The following SGCD variants were observed in gnomAD, a reference collection of about 807,000 sequenced individuals.
The protein encoded by SGCD is sarcoglycan delta.
A neutral mutation model predicts 36.6 loss-of-function variants in SGCD; 18 were observed. The observed-to-expected ratio is 0.49, with a 90% CI of 0.34 to 0.73. SGCD has a LOEUF of 0.73. SGCD is among the 30% of genes least tolerant of loss of function. The pLI, the probability that SGCD is intolerant of heterozygous loss-of-function variation, is 0.01. For missense variants in SGCD, 387 were observed against 346.7 expected, an observed-to-expected ratio of 1.12 and a Z score of -0.92; for synonymous variants, 133 against 130.6, an observed-to-expected ratio of 1.02 and a Z score of -0.12.
intron 3 of SGCD, among the ~76,000 whole-genome samples, chr5:156,149,876 C>G (rs191706848): frequency 6.6e-6 from 1 of 152,120 alleles, no homozygotes; most frequent in Non-Finnish European, 1.5e-5. Flanking sequence ...TGTGGGCTAA[C>G]GGAAATGTAC....
At chr5:156,246,789 G>A (rs1581193199) in intron 3 of SGCD, among the ~76,000 whole-genome samples, 1 of 152,018 alleles carries the variant, frequency 6.6e-6, no homozygotes, top group East Asian at 1.9e-4. Context: ...ATGGCTTTCC[G>A]CGTTCCAGGA....
In SGCD at chr5:156,589,452, A is replaced by G; in HGVS notation, c.382+134A>G. 3 of 589,944 alleles carry G rather than the reference A, an allele frequency of 5.1e-6. No homozygotes were observed. The South Asian group carries it at 7.1e-5, about 14-fold the overall frequency. 36.5% of individuals were successfully genotyped at this position (589,944 alleles called of 1,614,324 possible). A position where few individuals can be genotyped will look rare whatever the true frequency, so the allele number is the denominator to read the frequency against. The stretch of plus-strand genomic sequence containing the variant: ...ACATTGTTGAGAAAGAGAATGTAGC[A>G]TGTGTTCCATGATTCTACTAGAGGG... On this transcript the variant is annotated intron_variant, in intron 5 of 8. Coordinates refer to ENST00000337851, the MANE Select transcript of SGCD (RefSeq NM_000337.6).
intron 3 of SGCD, among the ~76,000 whole-genome samples, chr5:156,150,204 T>G (rs7724249): frequency 6.7e-6 from 1 of 148,916 alleles, no homozygotes; most frequent in East Asian, 1.9e-4. Context: ...TCCTTTTGGC[T>G]CCTCTAAATC....
chr5:155,838,807 TA>T, the SGCD span, among the ~76,000 whole-genome samples: 2 of 151,728 alleles, frequency 1.3e-5, no homozygotes, highest in Admixed American at 1.3e-4. Context: ...TCAATCTACT[TA>T]TTTTTTTGGG....
At chr5:155,838,666 T>G in the SGCD span, among the ~76,000 whole-genome samples, 1 of 151,982 alleles carries the variant, frequency 6.6e-6, no homozygotes, top group Non-Finnish European at 1.5e-5. Flanking sequence ...CTGTCATAGG[T>G]GTACAGTAGT....
chr5:156,608,322 A>C (rs1206006308), intron 6 of SGCD, among the ~76,000 whole-genome samples: 1 of 152,200 alleles, frequency 6.6e-6, no homozygotes, highest in East Asian at 1.9e-4. Flanking sequence ...ATTCAGGAGC[A>C]GGTTGTTCAG....
At chr5:156,591,425 T>C (rs559658068) in intron 5 of SGCD, among the ~76,000 whole-genome samples, 2 of 152,310 alleles carry the variant, frequency 1.3e-5, no homozygotes, top group South Asian at 4.1e-4. Flanking sequence ...GCTGCTGATT[T>C]AGTATCTCAG....
At chr5:155,900,736 A>C (rs1359566724) in intron 1 of SGCD, among the ~76,000 whole-genome samples, 1 of 152,114 alleles carries the variant, frequency 6.6e-6, no homozygotes, top group Non-Finnish European at 1.5e-5. Context: ...GATTTTTCAT[A>C]GTGATTTTGA....
chr5:155,851,861 C>A, the SGCD span, among the ~76,000 whole-genome samples: 2 of 152,162 alleles, frequency 1.3e-5, no homozygotes, highest in East Asian at 3.9e-4. Context: ...GCCAGAGTTC[C>A]TGGGTTTGAA....
chr5:155,940,275 C>T (rs553289692), intron 1 of SGCD, among the ~76,000 whole-genome samples: 157 of 152,272 alleles, frequency 1.0e-3, no homozygotes, highest in African/African-American at 3.7e-3. Flanking sequence ...CCTATGGCTT[C>T]TTTTAGCGTA....
chr5:156,518,022 C>T (rs1444761488), intron 4 of SGCD, among the ~76,000 whole-genome samples: 1 of 152,070 alleles, frequency 6.6e-6, no homozygotes, highest in Non-Finnish European at 1.5e-5. Context: ...GGGCTAATTG[C>T]CCCAATTAAA....
intron 6 of SGCD, among the ~76,000 whole-genome samples, chr5:156,608,985 T>G (rs549295122): frequency 6.6e-6 from 1 of 152,316 alleles, no homozygotes; most frequent in African/African-American, 2.4e-5. Context: ...TGATGGGTCT[T>G]GACTCTTTAT....
intron 3 of SGCD, among the ~76,000 whole-genome samples, chr5:156,504,390 GTGTATATATATA>G (rs1212097469): frequency 1.1e-3 from 138 of 126,480 alleles, no homozygotes; most frequent in African/African-American, 4.3e-3. Context: ...GGGTGTGTGT[GTGTATATATATA>G]TATATATATA....
At chr5:156,312,852 C>G (rs886992645) in intron 3 of SGCD, among the ~76,000 whole-genome samples, 1 of 152,178 alleles carries the variant, frequency 6.6e-6, no homozygotes, top group African/African-American at 2.4e-5. Flanking sequence ...ACTGCACTCA[C>G]TTAACCAGCC....
intron 3 of SGCD, among the ~76,000 whole-genome samples, chr5:156,312,026 G>T (rs2127691013): frequency 1.3e-5 from 2 of 152,256 alleles, no homozygotes; most frequent in Middle Eastern, 6.8e-3. Flanking sequence ...AGTAGGAAAA[G>T]AAAACAGATC....
chr5:156,140,519 G>A (rs1762555313), intron 3 of SGCD, among the ~76,000 whole-genome samples: 1 of 152,190 alleles, frequency 6.6e-6, no homozygotes, highest in South Asian at 2.1e-4. Context: ...AACTGGCCGA[G>A]ATGTTTCCAT....
chr5:156,230,995 G>T (rs1022627351), intron 3 of SGCD, among the ~76,000 whole-genome samples: 5 of 151,956 alleles, frequency 3.3e-5, no homozygotes, highest in African/African-American at 9.7e-5. Context: ...TACACAAAAA[G>T]CAAATAAAAA....
chr5:156,385,342 G>A (rs1045124610), intron 3 of SGCD, among the ~76,000 whole-genome samples: 1 of 152,210 alleles, frequency 6.6e-6, no homozygotes, highest in African/African-American at 2.4e-5. Context: ...GTCAGTGGGA[G>A]GCTTTGAAAC....
At chr5:156,199,954 C>A (rs1764105122) in intron 3 of SGCD, among the ~76,000 whole-genome samples, 1 of 152,042 alleles carries the variant, frequency 6.6e-6, no homozygotes, top group South Asian at 2.1e-4. Context: ...TACAAATTTT[C>A]TTTTACTTTT....
Sources: gnomAD v4.1 joint callset for allele counts (sites outside exome capture counted in the v4.1 genomes callset) on GRCh38, gnomAD v4.1.1 for gene constraint, MANE v1.5 for transcripts, NCBI Gene and HGNC (gene_info 2026-07-23, HGNC 2026-07-21) for gene names.